CCSER1: variants seen among roughly 807,000 people sequenced by gnomAD.
CCSER1 encodes coiled-coil serine rich protein 1, also known as serine-rich coiled-coil domain-containing protein 1.
In CCSER1, 41 loss-of-function variants were observed where a neutral mutation model predicts 82.0. The ratio of observed to expected loss-of-function variants is 0.50; its 90% confidence interval spans 0.39 to 0.65. The LOEUF (loss-of-function observed/expected upper bound fraction) is 0.65. Among genes scored for constraint, CCSER1 ranks in the 30% least tolerant of loss-of-function variants. The pLI, the probability that CCSER1 is intolerant of heterozygous loss-of-function variation, is 0.00. For synonymous variants in CCSER1, 414 were observed against 383.9 expected (o/e 1.08, Z -0.92); for missense variants, 1,119 against 1,064.2 (o/e 1.05, Z -0.72).
chr4:90,731,506 A>C (rs1488467353), intron 7 of CCSER1, among the ~76,000 whole-genome samples: 1 of 152,224 alleles, frequency 6.6e-6, no homozygotes, highest in African/African-American at 2.4e-5. Context: ...ATCAATAATT[A>C]TGGTTTAGAA....
chr4:91,596,337 T>C (rs1764576798), intron 10 of CCSER1, among the ~76,000 whole-genome samples: 1 of 152,056 alleles, frequency 6.6e-6, no homozygotes, highest in Non-Finnish European at 1.5e-5. Flanking sequence ...CTAGGCAGCA[T>C]CTGTTGAAAT....
chr4:90,986,501 T>C (rs1736590402), intron 9 of CCSER1, among the ~76,000 whole-genome samples: 1 of 151,782 alleles, frequency 6.6e-6, no homozygotes, highest in Non-Finnish European at 1.5e-5. Flanking sequence ...TATTTAAATA[T>C]TTGATATGCC....
intron 8 of CCSER1, among the ~76,000 whole-genome samples, chr4:90,834,122 T>C (rs1476604376): frequency 1.3e-5 from 2 of 152,214 alleles, no homozygotes; most frequent in Admixed American, 6.6e-5. Context: ...TGTGCAACTT[T>C]AAATGAATTT....
chr4:91,448,401 A>G (rs1440332587), intron 10 of CCSER1, among the ~76,000 whole-genome samples: 3 of 152,148 alleles, frequency 2.0e-5, no homozygotes, highest in Non-Finnish European at 4.4e-5. Context: ...CCATTTAATT[A>G]CTTAAATAAT....
intron 9 of CCSER1, among the ~76,000 whole-genome samples, chr4:91,050,224 A>G (rs1436994080): frequency 6.6e-6 from 1 of 152,162 alleles, no homozygotes; most frequent in Non-Finnish European, 1.5e-5. Context: ...TGAGGTCAGG[A>G]GTTCGAAGTC....
chr4:90,805,357 TC>T (rs34296013), intron 7 of CCSER1, among the ~76,000 whole-genome samples: 51,585 of 151,898 alleles, frequency 0.34, 8,965 homozygotes, highest in African/African-American at 0.41. Flanking sequence ...ATGTTGGGTG[TC>T]CTTTGGGAGC....
intron 10 of CCSER1, among the ~76,000 whole-genome samples, chr4:91,180,303 T>A (rs2149027940): frequency 6.6e-6 from 1 of 152,322 alleles, no homozygotes; most frequent in South Asian, 2.1e-4. Context: ...GATTTCAGAC[T>A]CTGTGCTAGG....
chr4:90,805,421 T>C (rs1439667280), intron 7 of CCSER1, among the ~76,000 whole-genome samples: 1 of 152,214 alleles, frequency 6.6e-6, no homozygotes, highest in Non-Finnish European at 1.5e-5. Flanking sequence ...TCAGCATGGC[T>C]ACTGGGTTCT....
intron 6 of CCSER1, among the ~76,000 whole-genome samples, chr4:90,654,752 C>G (rs112126804): frequency 6.6e-6 from 1 of 152,018 alleles, no homozygotes; most frequent in African/African-American, 2.4e-5. Flanking sequence ...ACAACTTAAA[C>G]TTCTTTGGAG....
At chr4:90,616,961 CTG>C (rs1326650462) in intron 5 of CCSER1, among the ~76,000 whole-genome samples, 2 of 151,990 alleles carry the variant, frequency 1.3e-5, no homozygotes, top group African/African-American at 4.8e-5. Flanking sequence ...GAGCCAGACT[CTG>C]GGTTTAAAGT....
At chr4:91,167,314 T>G (rs913778720) in intron 10 of CCSER1, among the ~76,000 whole-genome samples, 1 of 151,180 alleles carries the variant, frequency 6.6e-6, no homozygotes, top group African/African-American at 2.4e-5. Context: ...GCCTCCCGAG[T>G]AGCTGGGATT....
intron 9 of CCSER1, among the ~76,000 whole-genome samples, chr4:90,984,767 C>G (rs866626886): frequency 4.0e-5 from 6 of 151,770 alleles, no homozygotes; most frequent in East Asian, 1.9e-4. Context: ...TCCATTGCAT[C>G]TCTTTTAAAG....
chr4:91,109,159 C>T (rs1279348689), intron 10 of CCSER1, among the ~76,000 whole-genome samples: 1 of 152,122 alleles, frequency 6.6e-6, no homozygotes, highest in Non-Finnish European at 1.5e-5. Flanking sequence ...TTCCCTAGTC[C>T]TGAGGCCTTT....
chr4:91,075,763 T>C (rs1401796227), intron 9 of CCSER1, among the ~76,000 whole-genome samples: 1 of 152,220 alleles, frequency 6.6e-6, no homozygotes, highest in Non-Finnish European at 1.5e-5. Flanking sequence ...TGGGTTATTT[T>C]AGATTAATAC....
chr4:91,283,244 A>G (rs1743051255), intron 10 of CCSER1, among the ~76,000 whole-genome samples: 1 of 152,068 alleles, frequency 6.6e-6, no homozygotes, highest in African/African-American at 2.4e-5. Flanking sequence ...TCTAACTTTT[A>G]TGCCCTTCAT....
At chr4:91,235,397 T>C (rs1738924508) in intron 10 of CCSER1, among the ~76,000 whole-genome samples, 1 of 152,158 alleles carries the variant, frequency 6.6e-6, no homozygotes. Context: ...TCAGAAGAAA[T>C]AGAAAACCTT....
chr4:91,113,864 C>CT (rs1320187469), intron 10 of CCSER1, among the ~76,000 whole-genome samples: 1 of 115,952 alleles, frequency 8.6e-6, no homozygotes, highest in Admixed American at 8.7e-5. Flanking sequence ...TTTTTTTTTT[C>CT]TTTTTTGATA....
chr4:90,176,429 T>C (rs1052038125), intron 1 of CCSER1, among the ~76,000 whole-genome samples: 1 of 151,870 alleles, frequency 6.6e-6, no homozygotes, highest in African/African-American at 2.4e-5. Flanking sequence ...TGAGATGTTG[T>C]TTTCTGAAAT....
chr4:91,123,181 A>G (rs1581599008), intron 10 of CCSER1, among the ~76,000 whole-genome samples: 1 of 151,718 alleles, frequency 6.6e-6, no homozygotes. Flanking sequence ...TTATTAACAA[A>G]TTGATTTTCT....
Sources: allele counts gnomAD v4.1 joint callset (sites outside exome capture counted in the v4.1 genomes callset), GRCh38; gene constraint gnomAD v4.1.1; transcripts MANE v1.5; gene names NCBI Gene and HGNC (gene_info 2026-07-23, HGNC 2026-07-21).